The following WDR75 variants were observed in gnomAD, a reference collection of about 807,000 sequenced individuals.
The protein encoded by WDR75 is WD repeat-containing protein 75.
In WDR75, 52 loss-of-function variants were observed where a neutral mutation model predicts 106.1. The ratio of observed to expected loss-of-function variants is 0.49; its 90% CI spans 0.39 to 0.62. The LOEUF (loss-of-function observed/expected upper bound fraction) is 0.62, where lower values mean the gene tolerates loss of function less well. Among genes scored for constraint, WDR75 ranks in the 20% least tolerant of loss-of-function variants. The probability of loss-of-function intolerance (pLI) is 0.00; values close to 1 mark genes in which losing one functional copy is unlikely to be tolerated. For synonymous variants in WDR75, 333 were observed against 335.5 expected, an observed-to-expected ratio of 0.99 and a Z score of 0.08; for missense variants, 905 against 970.3, an observed-to-expected ratio of 0.93 and a Z score of 0.89.
At chr2:189,474,422 A>T in intron 19 of WDR75, 90 bp downstream of exon 19, 2 of 1,420,552 alleles carry the variant, frequency 1.4e-6, no homozygotes, top group Non-Finnish European at 1.9e-6. Flanking sequence ...TGTAATTTGT[A>T]TGCTGTACAA....
At chr2:189,466,298 C>A in intron 12 of WDR75, 127 bp from the exon 13 acceptor site, 1 of 1,027,978 alleles carries the variant, frequency 9.7e-7, no homozygotes, top group Non-Finnish European at 1.5e-6. Flanking sequence ...AATTGTTTGT[C>A]ATTCTACGTG....
intron 6 of WDR75, among the ~76,000 whole-genome samples, chr2:189,457,993 G>A (rs973525600): frequency 7.4e-6 from 1 of 135,782 alleles, no homozygotes; most frequent in Non-Finnish European, 1.5e-5. Context: ...GTGTGTTCTC[G>A]GCTCACTGTA....
intron 14 of WDR75, among the ~76,000 whole-genome samples, chr2:189,468,196 G>A (rs1687044107): frequency 6.6e-6 from 1 of 151,916 alleles, no homozygotes; most frequent in South Asian, 2.1e-4. Context: ...TCAGATGACT[G>A]TACGTTTCAT....
chr2:189,474,451 ATAAC>A, intron 19 of WDR75, 119 bp downstream of exon 19: 1 of 1,208,856 alleles, frequency 8.3e-7, no homozygotes, highest in Non-Finnish European at 1.2e-6. Flanking sequence ...CCCAAACTAA[ATAAC>A]TAACAACAAA....
chr2:189,463,823 G>A, intron 10 of WDR75, 23 bp from the exon 11 acceptor site: 1 of 1,613,414 alleles, frequency 6.2e-7, no homozygotes, highest in Non-Finnish European at 8.5e-7. Flanking sequence ...TATTTCACCT[G>A]TTATTTGTCA....
At chr2:189,446,497 C>T (rs772377560) in intron 1 of WDR75, among the ~76,000 whole-genome samples, 2 of 152,190 alleles carry the variant, frequency 1.3e-5, no homozygotes, top group Non-Finnish European at 2.9e-5. Flanking sequence ...CCATTTCATA[C>T]AACCATGCCT....
chr2:189,470,776 A>C lies in WDR75; in HGVS notation c.1990-43A>C, dbSNP rs560901697. The C allele has an allele frequency of 1.7e-5, 26 of 1,491,654 alleles. No individual in the cohort carries two copies. In the African/African-American group the frequency reaches 2.8e-4, roughly 16 times the overall value. The allele number at this position is 1,491,654 out of a possible 1,614,324, so 92.4% of individuals were successfully genotyped here. On this transcript the variant is annotated intron_variant, in intron 17 of 20. Transcript: ENST00000314761. ...CCTGTAACACCTTGTTTAGATTTGC[A>C]CTCTACAGTTTGTCTTTTGCATCAT...
chr2:189,466,672 AT>A, intron 13 of WDR75, 90 bp downstream of exon 13: 1 of 1,317,810 alleles, frequency 7.6e-7, no homozygotes, highest in Non-Finnish European at 1.0e-6. Flanking sequence ...CTGGGAGGAC[AT>A]TTTCTACTTT....
rs1442589481 is a variant in WDR75, at chr2:189,441,519, G to C, written c.27G>C (p.Val9=). 1 of 1,566,926 alleles carries C rather than the reference G, an allele frequency of 6.4e-7. No homozygotes were observed. MVEEENIR[V]VRCGGSELNF... is the part of the protein sequence containing the mutation. ...TGGTGGAGGAGGAGAACATCCGCGT[G>C]GTTCGTTGTGGCGGCAGCGAGTTGA... is the stretch of plus-strand genomic sequence containing the variant. The change falls in exon 1 of 21, where the codon GTG becomes GTC. Residue 9 remains valine (V), a synonymous_variant. Transcript: ENST00000314761.
chr2:189,444,998 CAA>C (rs1686465090), intron 1 of WDR75, among the ~76,000 whole-genome samples: 1 of 152,160 alleles, frequency 6.6e-6, no homozygotes, highest in Non-Finnish European at 1.5e-5. Flanking sequence ...ACTTTCTCAA[CAA>C]AGATGAATCC....
At chr2:189,448,259 G>C (rs1026658886) in intron 1 of WDR75, 120 bp from the exon 2 acceptor site, 3 of 1,115,418 alleles carry the variant, frequency 2.7e-6, no homozygotes, top group Admixed American at 6.2e-5. Context: ...CCAGGCAGGC[G>C]TATCACTTGA....
intron 18 of WDR75, among the ~76,000 whole-genome samples, chr2:189,473,210 C>A (rs1381728046): frequency 6.6e-6 from 1 of 151,394 alleles, no homozygotes; most frequent in Non-Finnish European, 1.5e-5. Flanking sequence ...GAACAAGACT[C>A]CATCTCAAAA....
chr2:189,447,791 A>T, intron 1 of WDR75, among the ~76,000 whole-genome samples: 1 of 152,252 alleles, frequency 6.6e-6, no homozygotes, highest in East Asian at 1.9e-4. Flanking sequence ...TTCTTAAACT[A>T]TACCAAAAGA....
chr2:189,466,204 C>T (rs1216347852), intron 12 of WDR75, among the ~76,000 whole-genome samples: 2 of 152,124 alleles, frequency 1.3e-5, no homozygotes, highest in Admixed American at 1.3e-4. Context: ...GACTACTACA[C>T]AGAATGTTCT....
intron 11 of WDR75, 97 bp from the exon 12 acceptor site, chr2:189,464,982 G>T: frequency 1.1e-6 from 1 of 941,330 alleles, no homozygotes. Context: ...TACAGAAGTT[G>T]TCTTGGATGT....
chr2:189,459,288 C>G (rs779650279), intron 7 of WDR75, 48 bp from the exon 8 acceptor site: 34 of 1,413,218 alleles, frequency 2.4e-5, no homozygotes, highest in Non-Finnish European at 3.2e-5. Flanking sequence ...CATTGTTTTC[C>G]TAACTTAAAC....
chr2:189,464,000 T>C (rs1395964851), intron 11 of WDR75, 39 bp downstream of exon 11: 4 of 1,547,944 alleles, frequency 2.6e-6, no homozygotes, highest in Admixed American at 1.7e-5. Context: ...TAATGAAAGC[T>C]CTTTACAGTA....
intron 3 of WDR75, 52 bp from the exon 4 acceptor site, chr2:189,451,753 G>A: frequency 2.0e-6 from 3 of 1,505,614 alleles, no homozygotes; most frequent in Admixed American, 1.7e-5. Flanking sequence ...TGGATCTTAT[G>A]TTCCACTGGA....
intron 15 of WDR75, 59 bp downstream of exon 15, chr2:189,468,628 C>T: frequency 6.4e-7 from 1 of 1,564,974 alleles, no homozygotes; most frequent in African/African-American, 1.4e-5. Flanking sequence ...TGACATTAAA[C>T]TTTGGCATTT....
Sources: allele counts gnomAD v4.1 joint callset (sites outside exome capture counted in the v4.1 genomes callset), GRCh38; gene constraint gnomAD v4.1.1; transcripts MANE v1.5; gene names NCBI Gene and HGNC (gene_info 2026-07-23, HGNC 2026-07-21).